Variants in RAPGEF5 observed in about 807,000 individuals in gnomAD.
RAPGEF5 encodes the protein Rap guanine nucleotide exchange factor 5.
In RAPGEF5, 65 loss-of-function variants were observed where a neutral mutation model predicts 125.2. That is an observed-to-expected ratio of 0.52 (90% CI 0.43 to 0.64). The LOEUF is 0.64. Ranked by LOEUF, RAPGEF5 falls within the 30% of genes least tolerant of loss-of-function variation. RAPGEF5 has a pLI of 0.00. For missense variants in RAPGEF5, 958 were observed against 1,048.1 expected (o/e 0.91, Z 1.19); for synonymous variants, 391 against 385.9 (o/e 1.01, Z -0.16).
intron 3 of RAPGEF5, among the ~76,000 whole-genome samples, chr7:22,310,956 A>G (rs1176993256): frequency 1.3e-5 from 2 of 152,192 alleles, no homozygotes; most frequent in Admixed American, 1.3e-4. Flanking sequence ...ACAAAAAGAA[A>G]AACTTCTGAA....
At position 22,275,502 on chromosome 7, in the gene RAPGEF5, T is replaced by C. The variant is rs376314749; in HGVS notation, c.748-8490A>G. Among the ~76,000 whole-genome samples, 16 of 152,322 alleles carry C rather than the reference T, an allele frequency of 1.1e-4. No homozygotes were observed. The East Asian group carries it at 2.3e-3, about 22-fold the overall frequency. On this transcript the variant is annotated intron_variant, in intron 6 of 25. Coordinates refer to ENST00000665637, the MANE Select transcript of RAPGEF5 (RefSeq NM_012294.5). ...AATGGAGAGAAGTTGCAAAAGGACA[T>C]GTTTTAGCTCAATGTAAGAACTTTC...
intron 25 of RAPGEF5, among the ~76,000 whole-genome samples, chr7:22,123,978 G>A (rs561763701): frequency 1.6e-4 from 24 of 152,286 alleles, no homozygotes; most frequent in Non-Finnish European, 8.8e-5. Flanking sequence ...CATATAAACC[G>A]TTAAAATGAA....
At chr7:22,195,544 T>C (rs1220816932) in intron 9 of RAPGEF5, among the ~76,000 whole-genome samples, 1 of 152,202 alleles carries the variant, frequency 6.6e-6, no homozygotes, top group African/African-American at 2.4e-5. Context: ...GTGCAGTTAC[T>C]GTGGCAATTA....
intron 6 of RAPGEF5, among the ~76,000 whole-genome samples, chr7:22,289,358 CTTGTT>C (rs1421348972): frequency 6.6e-6 from 1 of 152,174 alleles, no homozygotes; most frequent in East Asian, 1.9e-4. Flanking sequence ...AGTTCTGACT[CTTGTT>C]TTGTTCTTTC....
intron 6 of RAPGEF5, among the ~76,000 whole-genome samples, chr7:22,282,650 T>C (rs897003006): frequency 2.0e-5 from 3 of 152,244 alleles, no homozygotes; most frequent in Admixed American, 1.3e-4. Context: ...CATGTGAGAC[T>C]GAAATGTGAC....
chr7:22,190,893 T>C (rs1235808837), intron 11 of RAPGEF5, among the ~76,000 whole-genome samples: 1 of 152,194 alleles, frequency 6.6e-6, no homozygotes, highest in Non-Finnish European at 1.5e-5. Context: ...TATTAGGCCA[T>C]GTGGAGGGCC....
intron 9 of RAPGEF5, among the ~76,000 whole-genome samples, chr7:22,199,177 G>A (rs1785218686): frequency 6.6e-6 from 1 of 152,164 alleles, no homozygotes. Flanking sequence ...TTCTAAGAGA[G>A]GAAGAGAGTT....
At chr7:22,190,343 C>T (rs1562751609) in intron 11 of RAPGEF5, among the ~76,000 whole-genome samples, 1 of 152,102 alleles carries the variant, frequency 6.6e-6, no homozygotes, top group Non-Finnish European at 1.5e-5. Flanking sequence ...TGACTTCTTG[C>T]GCCTTTCACT....
intron 11 of RAPGEF5, among the ~76,000 whole-genome samples, chr7:22,186,937 A>T (rs978250986): frequency 1.3e-5 from 2 of 152,236 alleles, no homozygotes; most frequent in Admixed American, 1.3e-4. Flanking sequence ...TATTCTTTAG[A>T]AATGTTATGG....
chr7:22,145,897 A>G (rs2128105580), intron 19 of RAPGEF5, among the ~76,000 whole-genome samples: 1 of 152,318 alleles, frequency 6.6e-6, no homozygotes, highest in African/African-American at 2.4e-5. Flanking sequence ...AAACAAGACC[A>G]GTAACTATTT....
chr7:22,281,379 T>C (rs1295831804), intron 6 of RAPGEF5, among the ~76,000 whole-genome samples: 1 of 152,094 alleles, frequency 6.6e-6, no homozygotes, highest in East Asian at 1.9e-4. Flanking sequence ...ATCGAGCTAA[T>C]TTCTGTATTT....
intron 8 of RAPGEF5, among the ~76,000 whole-genome samples, chr7:22,227,462 T>C (rs1022754427): frequency 6.6e-6 from 1 of 152,170 alleles, no homozygotes; most frequent in Non-Finnish European, 1.5e-5. Context: ...AAATGGAGGA[T>C]AGGAGACAAT....
chr7:22,237,936 G>T (rs943714304), intron 7 of RAPGEF5, among the ~76,000 whole-genome samples: 3 of 152,172 alleles, frequency 2.0e-5, no homozygotes, highest in African/African-American at 7.2e-5. Context: ...TGGGGAGGGG[G>T]TTAACATCAT....
At position 22,160,613 on chromosome 7, in the gene RAPGEF5, G is replaced by T. The variant is rs370040870; in HGVS notation, c.1431C>A (p.Thr477=). 140 of 1,527,802 alleles carry T rather than the reference G, an allele frequency of 9.2e-5. No individual in the cohort carries two copies. The African/African-American group carries it at 1.9e-3, about 20-fold the overall frequency. The allele number at this position is 1,527,802 out of a possible 1,614,324, so 94.6% of individuals were successfully genotyped here. The part of the protein sequence containing the change: ...EDEHSKMFLK[T]IYRNVLDDVY... ...CATCATCCAGTACATTCCTATATAT[G>T]GTCTGGAGAAAAAAGACAAATGAGA... The change falls in exon 14 of 26, where the codon ACC becomes ACA. Residue 477 remains threonine (T), a splice_region_variant and synonymous_variant. Coordinates refer to ENST00000665637, the MANE Select transcript of RAPGEF5 (RefSeq NM_012294.5).
chr7:22,309,227 A>T (rs924806797), intron 4 of RAPGEF5, among the ~76,000 whole-genome samples: 5 of 152,226 alleles, frequency 3.3e-5, no homozygotes, highest in African/African-American at 1.2e-4. Flanking sequence ...GTAGTTAACT[A>T]ATTTTATAAA....
chr7:22,269,592 G>C (rs765567020), intron 6 of RAPGEF5, among the ~76,000 whole-genome samples: 10 of 152,184 alleles, frequency 6.6e-5, no homozygotes, highest in Non-Finnish European at 2.9e-5. Flanking sequence ...CCCATCATAA[G>C]TTACTCCCAG....
chr7:22,281,500 C>T (rs1390897860), intron 6 of RAPGEF5, among the ~76,000 whole-genome samples: 2 of 152,242 alleles, frequency 1.3e-5, no homozygotes, highest in Non-Finnish European at 1.5e-5. Context: ...GTGTGATCCA[C>T]ACTGCACCTG....
intron 1 of RAPGEF5, among the ~76,000 whole-genome samples, chr7:22,319,521 A>T (rs564737294): frequency 1.4e-4 from 21 of 152,342 alleles, no homozygotes; most frequent in African/African-American, 5.0e-4. Flanking sequence ...AAATTTTATA[A>T]GGTAGAGAGC....
intron 7 of RAPGEF5, among the ~76,000 whole-genome samples, chr7:22,263,192 G>A (rs1185627879): frequency 6.6e-6 from 1 of 152,190 alleles, no homozygotes; most frequent in Non-Finnish European, 1.5e-5. Context: ...TAGCTATAAA[G>A]GAGCAACATG....
Sources: allele counts gnomAD v4.1 joint callset (sites outside exome capture counted in the v4.1 genomes callset), GRCh38; gene constraint gnomAD v4.1.1; transcripts MANE v1.5; gene names NCBI Gene and HGNC (gene_info 2026-07-23, HGNC 2026-07-21).